The following TCF7L1 variants were observed in gnomAD, a reference collection of about 807,000 sequenced individuals.
The protein encoded by TCF7L1 is transcription factor 7-like 1.
TCF7L1 carries 18 observed loss-of-function variants against 63.7 expected under a neutral mutation model. The observed-to-expected ratio is 0.28, with a 90% CI of 0.20 to 0.42. TCF7L1 has a LOEUF of 0.42. TCF7L1 is among the 10% of genes least tolerant of loss of function. TCF7L1 has a pLI of 1.00. For synonymous variants in TCF7L1, 355 were observed against 340.9 expected (o/e 1.04, Z -0.46); for missense variants, 654 against 779.3 (o/e 0.84, Z 1.91).
intron 3 of TCF7L1, among the ~76,000 whole-genome samples, chr2:85,244,887 TG>T (rs769915608): frequency 2.6e-5 from 4 of 151,980 alleles, no homozygotes; most frequent in Admixed American, 6.6e-5. Flanking sequence ...CAAAGGAGAC[TG>T]AGAAGGAGCA....
intron 3 of TCF7L1, among the ~76,000 whole-genome samples, chr2:85,258,403 C>T (rs753981956): frequency 3.9e-5 from 6 of 152,102 alleles, no homozygotes; most frequent in Non-Finnish European, 8.8e-5. Flanking sequence ...GGTGTGCACA[C>T]CTATAGGTTG....
intron 3 of TCF7L1, among the ~76,000 whole-genome samples, chr2:85,282,153 A>G (rs1197386637): frequency 6.6e-6 from 1 of 151,880 alleles, no homozygotes; most frequent in Non-Finnish European, 1.5e-5. Flanking sequence ...ACACCCAGCT[A>G]TTTTTTGTTT....
intron 3 of TCF7L1, among the ~76,000 whole-genome samples, chr2:85,213,376 C>G (rs865969496): frequency 5.3e-5 from 8 of 152,160 alleles, no homozygotes; most frequent in African/African-American, 1.7e-4. Flanking sequence ...TTTCCACCTC[C>G]CAATGACACC....
chr2:85,177,438 C>T (rs988755890), intron 3 of TCF7L1, among the ~76,000 whole-genome samples: 1 of 152,230 alleles, frequency 6.6e-6, no homozygotes, highest in African/African-American at 2.4e-5. Context: ...GGAGTGGTGG[C>T]TCATGCCTGT....
chr2:85,234,564 T>C (rs981145169), intron 3 of TCF7L1, among the ~76,000 whole-genome samples: 5 of 152,212 alleles, frequency 3.3e-5, no homozygotes, highest in Admixed American at 6.5e-5. Flanking sequence ...TTCCCAAACA[T>C]ATGCCAAAGA....
At chr2:85,276,207 A>T (rs879533723) in intron 3 of TCF7L1, among the ~76,000 whole-genome samples, 18 of 152,168 alleles carry the variant, frequency 1.2e-4, no homozygotes, top group Non-Finnish European at 2.1e-4. Context: ...CTGTCTCCCT[A>T]TTCCTGAGTT....
At chr2:85,135,788 G>A (rs537963078) in intron 3 of TCF7L1, among the ~76,000 whole-genome samples, 37 of 135,050 alleles carry the variant, frequency 2.7e-4, no homozygotes, top group African/African-American at 9.6e-4. Flanking sequence ...CGAGAGGGAG[G>A]GAGGTCTTGC....
At chr2:85,144,763 G>GCGTA (rs1165362606) in intron 3 of TCF7L1, among the ~76,000 whole-genome samples, 14 of 151,224 alleles carry the variant, frequency 9.3e-5, no homozygotes, top group Admixed American at 2.6e-4. Flanking sequence ...GTGTGTGTGT[G>GCGTA]TGTATGTATG....
chr2:85,261,815 A>G (rs887547346), intron 3 of TCF7L1, among the ~76,000 whole-genome samples: 3 of 152,198 alleles, frequency 2.0e-5, no homozygotes, highest in Admixed American at 6.5e-5. Flanking sequence ...TGAGCCCAGG[A>G]GGCCACAGTG....
chr2:85,280,676 C>T (rs1356858879), intron 3 of TCF7L1, among the ~76,000 whole-genome samples: 1 of 152,114 alleles, frequency 6.6e-6, no homozygotes, highest in African/African-American at 2.4e-5. Context: ...TTTTTAAAAC[C>T]AGAAATGTTC....
chr2:85,241,425 C>T (rs1169390385), intron 3 of TCF7L1, among the ~76,000 whole-genome samples: 1 of 137,260 alleles, frequency 7.3e-6, no homozygotes, highest in Non-Finnish European at 1.5e-5. Flanking sequence ...GGACTGGATG[C>T]ACTTTGTTTT....
At chr2:85,275,296 G>A (rs12714138) in intron 3 of TCF7L1, among the ~76,000 whole-genome samples, 91,580 of 152,062 alleles carry the variant, frequency 0.6, 29,760 homozygotes, top group East Asian at 0.84. Flanking sequence ...GCTCTAAAAC[G>A]AAAGCTTGGC....
chr2:85,217,461 G>A (rs1290640478), intron 3 of TCF7L1, among the ~76,000 whole-genome samples: 2 of 152,186 alleles, frequency 1.3e-5, no homozygotes, highest in Non-Finnish European at 2.9e-5. Flanking sequence ...CACTACTCAT[G>A]TCGCAGCATA....
intron 3 of TCF7L1, among the ~76,000 whole-genome samples, chr2:85,243,384 A>T (rs947698065): frequency 4.6e-5 from 7 of 151,844 alleles, no homozygotes; most frequent in Non-Finnish European, 8.8e-5. Flanking sequence ...CTTTGTTTTG[A>T]GTTTCAAAAG....
chr2:85,295,183 A>G (rs938772638), intron 4 of TCF7L1, among the ~76,000 whole-genome samples: 5 of 152,104 alleles, frequency 3.3e-5, no homozygotes, highest in African/African-American at 1.2e-4. Context: ...ATACACAGTA[A>G]TAACTTTTGT....
chr2:85,135,726 TGA>T (rs963914862), intron 3 of TCF7L1, among the ~76,000 whole-genome samples: 14 of 151,226 alleles, frequency 9.3e-5, no homozygotes, highest in African/African-American at 3.4e-4. Flanking sequence ...AGACTCTGAC[TGA>T]GAGAGAGGGG....
intron 3 of TCF7L1, among the ~76,000 whole-genome samples, chr2:85,173,225 G>A (rs1431770978): frequency 6.6e-6 from 1 of 152,120 alleles, no homozygotes; most frequent in Non-Finnish European, 1.5e-5. Flanking sequence ...CTCACCGGGT[G>A]ACTGATTGAA....
intron 3 of TCF7L1, among the ~76,000 whole-genome samples, chr2:85,204,434 TAAG>T (rs896924670): frequency 6.6e-6 from 1 of 151,964 alleles, no homozygotes; most frequent in African/African-American, 2.4e-5. Context: ...GTAGGCATGT[TAAG>T]AAGAAAAAAA....
intron 3 of TCF7L1, among the ~76,000 whole-genome samples, chr2:85,240,475 G>A (rs1308519068): frequency 6.6e-6 from 1 of 152,114 alleles, no homozygotes; most frequent in Non-Finnish European, 1.5e-5. Context: ...GAAACACACA[G>A]ATGATAAAAC....
Sources: allele counts gnomAD v4.1 joint callset (sites outside exome capture counted in the v4.1 genomes callset), GRCh38; gene constraint gnomAD v4.1.1; transcripts MANE v1.5; gene names NCBI Gene and HGNC (gene_info 2026-07-23, HGNC 2026-07-21).